PALM2AKAP2: variants seen among roughly 807,000 people sequenced by gnomAD.
PALM2AKAP2 encodes PALM2-AKAP2 fusion protein.
Under a neutral mutation model 71.5 loss-of-function variants are expected in PALM2AKAP2, and 37 were observed. That is an observed-to-expected ratio of 0.52 (90% confidence interval 0.40 to 0.68). PALM2AKAP2 has a LOEUF of 0.68. PALM2AKAP2 is among the 30% of genes least tolerant of loss of function. The probability of loss-of-function intolerance (pLI) is 0.00; values close to 1 mark genes in which losing one functional copy is unlikely to be tolerated. For synonymous variants in PALM2AKAP2, 468 were observed against 478.8 expected, an observed-to-expected ratio of 0.98 and a Z score of 0.29; for missense variants, 1,224 against 1,191.8, an observed-to-expected ratio of 1.03 and a Z score of -0.40.
chr9:110,163,353 TATAAG>T (rs1221946812), intron 3 of PALM2AKAP2, among the ~76,000 whole-genome samples: 1 of 152,160 alleles, frequency 6.6e-6, no homozygotes, highest in Non-Finnish European at 1.5e-5. Context: ...TTCAGAATAA[TATAAG>T]ATAATAAAAT....
chr9:109,868,184 AAG>A (rs539262999), intron 2 of PALM2AKAP2, among the ~76,000 whole-genome samples: 30 of 151,248 alleles, frequency 2.0e-4, no homozygotes, highest in South Asian at 4.2e-4. Flanking sequence ...ACCATCTAAA[AAG>A]AGAGAGAGAG....
intron 6 of PALM2AKAP2, among the ~76,000 whole-genome samples, chr9:109,976,670 A>G (rs1832177869): frequency 6.6e-6 from 1 of 152,178 alleles, no homozygotes; most frequent in Admixed American, 6.5e-5. Flanking sequence ...AATACAAATA[A>G]CCAACATTTA....
At chr9:110,137,463 C>A (rs1346966417) in exon 2 of PALM2AKAP2, 5 of 1,614,090 alleles carry the variant, frequency 3.1e-6, no homozygotes, top group Non-Finnish European at 4.2e-6. Context: ...CAGGGCAACA[C>A]AGCCTCTCAG....
chr9:109,742,312 C>A (rs1333675781), intron 1 of PALM2AKAP2, among the ~76,000 whole-genome samples: 1 of 150,256 alleles, frequency 6.7e-6, no homozygotes, highest in Non-Finnish European at 1.5e-5. Context: ...CTCTCACAGC[C>A]ACTTGAGTCG....
intron 7 of PALM2AKAP2, among the ~76,000 whole-genome samples, chr9:110,017,164 C>T (rs1411764492): frequency 6.6e-6 from 1 of 152,128 alleles, no homozygotes; most frequent in African/African-American, 2.4e-5. Flanking sequence ...CAGGCATGAG[C>T]CAAACTGGAG....
intron 1 of PALM2AKAP2, among the ~76,000 whole-genome samples, chr9:110,102,074 G>T (rs1835013305): frequency 6.6e-6 from 1 of 152,180 alleles, no homozygotes; most frequent in Non-Finnish European, 1.5e-5. Context: ...GCTCCAAGAG[G>T]TCCAGCAGCT....
chr9:109,737,498 G>A (rs1206672010), intron 1 of PALM2AKAP2, among the ~76,000 whole-genome samples: 1 of 152,216 alleles, frequency 6.6e-6, no homozygotes, highest in African/African-American at 2.4e-5. Context: ...GTTAGAGACA[G>A]CAGCAGCCAC....
At chr9:109,812,918 C>T (rs2131450450) in intron 1 of PALM2AKAP2, among the ~76,000 whole-genome samples, 1 of 152,290 alleles carries the variant, frequency 6.6e-6, no homozygotes, top group Middle Eastern at 3.4e-3. Context: ...TAGGGAAGTG[C>T]TTGGGAAAAT....
chr9:110,057,319 C>T (rs958205588), intron 1 of PALM2AKAP2, among the ~76,000 whole-genome samples: 6 of 151,542 alleles, frequency 4.0e-5, no homozygotes, highest in Non-Finnish European at 5.9e-5. Flanking sequence ...CCAGGGGTCC[C>T]ACAGCTACAT....
chr9:110,024,819 T>C (rs974564724), intron 7 of PALM2AKAP2: 5 of 675,894 alleles, frequency 7.4e-6, no homozygotes, highest in Non-Finnish European at 1.3e-5. Context: ...GTGTCTTGGG[T>C]TTTTTGTTTT....
chr9:110,102,525 G>A (rs1177863919), intron 1 of PALM2AKAP2, among the ~76,000 whole-genome samples: 1 of 152,150 alleles, frequency 6.6e-6, no homozygotes, highest in Non-Finnish European at 1.5e-5. Context: ...AAATAAATTA[G>A]TTTAGGCCTG....
intron 1 of PALM2AKAP2, among the ~76,000 whole-genome samples, chr9:110,050,679 G>C (rs1333893843): frequency 6.6e-6 from 1 of 151,850 alleles, no homozygotes; most frequent in African/African-American, 2.4e-5. Flanking sequence ...CCAGGCTGGA[G>C]TGCAATGGCA....
intron 1 of PALM2AKAP2, among the ~76,000 whole-genome samples, chr9:109,768,849 G>T (rs1045941570): frequency 6.6e-6 from 1 of 152,204 alleles, no homozygotes; most frequent in Non-Finnish European, 1.5e-5. Context: ...ACCAGGCAAG[G>T]TGGCTCATGC....
intron 3 of PALM2AKAP2, among the ~76,000 whole-genome samples, chr9:109,912,281 C>T (rs981810869): frequency 6.6e-6 from 1 of 151,432 alleles, no homozygotes; most frequent in African/African-American, 2.4e-5. Context: ...TCTTCTCTGC[C>T]ATATTTCTGT....
chr9:109,733,756 A>G (rs968006348), intron 1 of PALM2AKAP2, among the ~76,000 whole-genome samples: 1 of 152,198 alleles, frequency 6.6e-6, no homozygotes, highest in African/African-American at 2.4e-5. Flanking sequence ...TCTGAAAATC[A>G]TCAGGGATTC....
chr9:109,813,542 G>T (rs1827777372), intron 1 of PALM2AKAP2, among the ~76,000 whole-genome samples: 1 of 152,152 alleles, frequency 6.6e-6, no homozygotes, highest in Non-Finnish European at 1.5e-5. Context: ...CCTTTAAGGA[G>T]GTAGGGATGA....
chr9:110,151,001 A>C (rs867784223), intron 2 of PALM2AKAP2, among the ~76,000 whole-genome samples: 1 of 152,196 alleles, frequency 6.6e-6, no homozygotes, highest in Non-Finnish European at 1.5e-5. Flanking sequence ...TTCAATAGGA[A>C]GATATCTTGG....
rs541583600 is a variant in PALM2AKAP2 at position 109,672,003 on chromosome 9, G to T, written c.5+31137G>T. Among the ~76,000 whole-genome samples, 13 of 152,144 alleles carry T rather than the reference G, an allele frequency of 8.5e-5. No homozygotes were observed. The South Asian group carries it at 2.7e-3, about 32-fold the overall frequency. On this transcript the variant is annotated intron_variant, in intron 1 of 6. Transcript: ENST00000374531. ...CAGCATCAGCTTCAGAAGCTTTTTG[G>T]CTGAGACTATGTGGTTTTCTAGCTA...
chr9:110,131,030 C>G (rs746168535), intron 1 of PALM2AKAP2, among the ~76,000 whole-genome samples: 1 of 152,140 alleles, frequency 6.6e-6, no homozygotes, highest in Non-Finnish European at 1.5e-5. Flanking sequence ...ACCTGTGGGG[C>G]GTGGGATCTC....
Sources: gnomAD v4.1 joint callset for allele counts (sites outside exome capture counted in the v4.1 genomes callset) on GRCh38, gnomAD v4.1.1 for gene constraint, MANE v1.5 for transcripts, NCBI Gene and HGNC (gene_info 2026-07-23, HGNC 2026-07-21) for gene names.